DAB2IP: variants seen among roughly 807,000 people sequenced by gnomAD.
DAB2IP encodes disabled homolog 2-interacting protein.
In DAB2IP, 28 loss-of-function variants were observed where a neutral mutation model predicts 107.2. The ratio of observed to expected loss-of-function variants is 0.26; its 90% CI spans 0.19 to 0.36. The LOEUF is 0.36. Ranked by LOEUF, DAB2IP falls within the 10% of genes least tolerant of loss-of-function variation. The probability of loss-of-function intolerance (pLI) is 1.00; values close to 1 mark genes in which losing one functional copy is unlikely to be tolerated. For synonymous variants in DAB2IP, 755 were observed against 706.4 expected (o/e 1.07, Z -1.09); for missense variants, 1,400 against 1,644.7 (o/e 0.85, Z 2.57).
chr9:121,629,855 T>C (rs1358974708), intron 1 of DAB2IP, among the ~76,000 whole-genome samples: 1 of 152,136 alleles, frequency 6.6e-6, no homozygotes, highest in Non-Finnish European at 1.5e-5. Context: ...CAAATCCTCC[T>C]CTTTTCCCTC....
intron 1 of DAB2IP, among the ~76,000 whole-genome samples, chr9:121,579,462 T>A (rs1830141853): frequency 6.6e-6 from 1 of 151,850 alleles, no homozygotes; most frequent in Non-Finnish European, 1.5e-5. Context: ...GTCCCCACCA[T>A]CCCTCCTCAC....
At position 121,599,764 on chromosome 9, in the gene DAB2IP, GA is replaced by G. The variant is rs1174212067; in HGVS notation, c.40+32537del. Among the ~76,000 whole-genome samples the G allele has an allele frequency of 1.3e-5, 2 of 152,060 alleles. No homozygotes were observed. Among genetic ancestry groups the G allele is most frequent in the Non-Finnish European group, 2.9e-5 (2 of 67,976 alleles). ...CGCCCAGCGGCCCGGCCCGCGCGTA[GA>G]GGTAAAAGCTGGGGGCCGCGGCTCA... On this transcript the variant is annotated intron_variant, in intron 1 of 16. Coordinates refer to the DAB2IP transcript ENST00000259371. The surrounding 1 kb of genome is among the most constrained non-coding windows in gnomAD (Gnocchi z 6.9).
Position 121,608,249 on chromosome 9 carries a change from G to A in DAB2IP, c.40+41021G>A, listed in dbSNP as rs1830952845. Among the ~76,000 whole-genome samples the A allele has an allele frequency of 5.3e-5, 8 of 152,286 alleles. No individual in the cohort carries two copies. The South Asian group carries it at 1.7e-3, about 32-fold the overall frequency. On this transcript the variant is annotated intron_variant, in intron 1 of 16. Transcript: ENST00000259371. ...GTTGCACTGCCCGCTTTATAAATGA[G>A]CGTGTGGAGGTGCGTGCCCAATTTC...
chr9:121,751,226 G>A (rs546058951), intron 3 of DAB2IP: 227 of 171,320 alleles, frequency 1.3e-3, no homozygotes, highest in African/African-American at 4.8e-3. Flanking sequence ...ACCCCTGGAC[G>A]ATGGAAAGGC....
chr9:121,733,777 G>A (rs1165925916), intron 3 of DAB2IP, among the ~76,000 whole-genome samples: 1 of 152,218 alleles, frequency 6.6e-6, no homozygotes, highest in African/African-American at 2.4e-5. Flanking sequence ...TTAGAAATGG[G>A]GGCAGGAGGG....
At chr9:121,661,992 A>C (rs933363366) in intron 1 of DAB2IP, among the ~76,000 whole-genome samples, 22 of 151,774 alleles carry the variant, frequency 1.4e-4, no homozygotes, top group South Asian at 6.2e-4. Context: ...AAAAAAAAAA[A>C]CAAAAAAACC....
rs75146648 is a variant in DAB2IP at position 121,592,815 on chromosome 9, C to T, written c.40+25587C>T. Among the ~76,000 whole-genome samples the T allele has an allele frequency of 1.6e-4, 24 of 152,278 alleles. No homozygotes were observed. The East Asian group carries it at 4.6e-3, about 29-fold the overall frequency. ...GAAGGTGCTGCAGGCTCTGTCGCCC[C>T]TACAGATGGAAGCTGACAAGGAAAA... On this transcript the variant is annotated intron_variant, in intron 1 of 16. Coordinates refer to the DAB2IP transcript ENST00000259371.
At chr9:121,700,937 G>A (rs988332640) in intron 3 of DAB2IP, among the ~76,000 whole-genome samples, 1 of 152,174 alleles carries the variant, frequency 6.6e-6, no homozygotes, top group Admixed American at 6.5e-5. Context: ...CAGTCACTGC[G>A]TCTTTGAAAA....
chr9:121,665,663 G>T (rs1029676627), intron 1 of DAB2IP, among the ~76,000 whole-genome samples: 7 of 152,262 alleles, frequency 4.6e-5, no homozygotes, highest in African/African-American at 1.7e-4. Flanking sequence ...AGCAACCAAG[G>T]TATCCTATAT....
Position 121,773,078 on chromosome 9 carries a change from C to G in DAB2IP, c.2550C>G (p.Gly850=), listed in dbSNP as rs778693549. Residue 850 remains glycine (G), a synonymous_variant, in exon 12 of 16, where the codon GGC becomes GGG. Coordinates refer to ENST00000408936, the Ensembl canonical transcript of DAB2IP. ...CACCCCGTGGCCTTGGCGACTCAGG[C>G]TCTGAGGGCCACAGCTCCCTGAGCT... 5.0e-6 allele frequency: 8 copies of G among 1,612,546 alleles called. No homozygotes were observed. The South Asian group carries it at 7.7e-5, about 15-fold the overall frequency.
At chr9:121,678,091 C>G (rs1828362891) in intron 1 of DAB2IP, among the ~76,000 whole-genome samples, 1 of 152,238 alleles carries the variant, frequency 6.6e-6, no homozygotes, top group African/African-American at 2.4e-5. Flanking sequence ...TCACCACTAT[C>G]CATTCCTAAA....
chr9:121,620,163 A>T (rs1831411947), intron 1 of DAB2IP, among the ~76,000 whole-genome samples: 1 of 152,234 alleles, frequency 6.6e-6, no homozygotes. Context: ...TTCCGGATCC[A>T]GCCGCTCAAA....
At chr9:121,743,673 G>A (rs554703180) in intron 3 of DAB2IP, among the ~76,000 whole-genome samples, 4 of 152,200 alleles carry the variant, frequency 2.6e-5, no homozygotes, top group Admixed American at 2.0e-4. Context: ...AGGCTCGCCC[G>A]GCCACTCGGC....
intron 13 of DAB2IP, among the ~76,000 whole-genome samples, chr9:121,775,395 G>A (rs1489867524): frequency 6.6e-6 from 1 of 152,212 alleles, no homozygotes. Context: ...TACATGAAGG[G>A]GACCGGGGGA....
chr9:121,607,124 A>G (rs976883123), intron 1 of DAB2IP, among the ~76,000 whole-genome samples: 7 of 152,062 alleles, frequency 4.6e-5, no homozygotes, highest in African/African-American at 1.7e-4. Context: ...GGGTCAGGTG[A>G]CCAGGTCAGA....
chr9:121,659,992 GC>G (rs989353144), intron 1 of DAB2IP, among the ~76,000 whole-genome samples: 2 of 151,916 alleles, frequency 1.3e-5, no homozygotes, highest in Non-Finnish European at 2.9e-5. Flanking sequence ...GATATAGCCA[GC>G]CCCCGCCCTC....
chr9:121,783,676 C>G (rs376835559), exon 16 of DAB2IP: 23 of 1,235,090 alleles, frequency 1.9e-5, no homozygotes, highest in Non-Finnish European at 2.5e-5. Context: ...CAGCCTGCAC[C>G]TGCCCCGTGT....
intron 1 of DAB2IP, among the ~76,000 whole-genome samples, chr9:121,613,345 C>T (rs780363898): frequency 6.6e-6 from 1 of 152,210 alleles, no homozygotes; most frequent in African/African-American, 2.4e-5. Flanking sequence ...TTGTTGACAT[C>T]CTCCTCACCA....
chr9:121,614,116 G>A (rs1294777014), intron 1 of DAB2IP, among the ~76,000 whole-genome samples: 3 of 152,042 alleles, frequency 2.0e-5, no homozygotes, highest in South Asian at 2.1e-4. Flanking sequence ...CAAGATAACC[G>A]GCTTCATAGG....
Sources: gnomAD v4.1 joint callset for allele counts (sites outside exome capture counted in the v4.1 genomes callset) on GRCh38, gnomAD v4.1.1 for gene constraint, Gnocchi (gnomAD v3.1) non-coding constraint, MANE v1.5 for transcripts, NCBI Gene and HGNC (gene_info 2026-07-23, HGNC 2026-07-21) for gene names.